Variants in GIT1 observed in about 807,000 individuals in gnomAD.
GIT1 encodes the protein GIT ArfGAP 1, also known as ARF GTPase-activating protein GIT1.
A neutral mutation model predicts 91.7 loss-of-function variants in GIT1; 14 were observed. The observed-to-expected ratio is 0.15, with a 90% CI of 0.10 to 0.24. The LOEUF (loss-of-function observed/expected upper bound fraction) is 0.24. GIT1 is among the 10% of genes least tolerant of loss of function. The probability of loss-of-function intolerance (pLI) is 1.00; values close to 1 mark genes in which losing one functional copy is unlikely to be tolerated. For missense variants in GIT1, 717 were observed against 1,024.9 expected, an observed-to-expected ratio of 0.70 and a Z score of 4.10; for synonymous variants, 414 against 418.2, an observed-to-expected ratio of 0.99 and a Z score of 0.12.
Position 29,581,557 on chromosome 17 carries a change from C to T in GIT1, c.719-177G>A. On this transcript the variant is annotated intron_variant, in intron 6 of 19. Transcript: ENST00000225394. This position sits in a 1 kb window ranked among gnomAD's most constrained non-coding sequence, Gnocchi z 4.8. ...TGGGAGGATGCAGGATGCCCACCCCCACTCCCTAGCCCCAGCGATGCTATG... is the reference window on the plus strand; with the variant it reads ...TGGGAGGATGCAGGATGCCCACCCCTACTCCCTAGCCCCAGCGATGCTATG... 2.8e-6 allele frequency: 2 copies of T among 701,902 alleles called. No homozygotes were observed. The highest frequency in any genetic ancestry group is 3.3e-5 in the South Asian group (2 of 61,046). 43.5% of individuals were successfully genotyped at this position (701,902 alleles called of 1,614,324 possible). A position where few individuals can be genotyped will look rare whatever the true frequency, so the allele number is the denominator to read the frequency against.
chr17:29,583,191 C>T (rs533735273), intron 2 of GIT1, among the ~76,000 whole-genome samples, 154 bp from the exon 3 acceptor site: 1 of 152,308 alleles, frequency 6.6e-6, no homozygotes, highest in South Asian at 2.1e-4. Flanking sequence ...TCTAGTCCAG[C>T]TGCCCAAAGA....
chr17:29,576,003 AT>A, intron 15 of GIT1, 74 bp downstream of exon 15: 1 of 1,566,422 alleles, frequency 6.4e-7, no homozygotes, highest in Non-Finnish European at 8.8e-7. Flanking sequence ...TAAGCCCCGA[AT>A]TCAGCACAGA....
Position 29,582,932 on chromosome 17 carries a change from T to A in GIT1, c.292A>T (p.Lys98Ter). 6.2e-7 allele frequency: 1 copy of A among 1,607,574 alleles called. No individual in the cohort carries two copies. Among genetic ancestry groups the A allele is most frequent in the Non-Finnish European group, 8.5e-7 (1 of 1,175,190 alleles). Residue 98 changes from lysine (K) to a stop codon, truncating the protein, a stop_gained, in exon 3 of 20, where the codon AAA becomes TAA. Coordinates refer to ENST00000225394, the MANE Select transcript of GIT1 (RefSeq NM_014030.4). LOFTEE classifies it high-confidence loss of function. ...CCCTCCAGCCCCACTCACTGGACTT[T>A]GTCTTGGGGGTTGGCTTTACGCCGG... is the stretch of plus-strand genomic sequence containing the variant. ...SGRRKANPQD[K>*]VHPIKSEFIR...
At chr17:29,586,054 T>C (rs1177793052) in intron 1 of GIT1, among the ~76,000 whole-genome samples, 1 of 152,024 alleles carries the variant, frequency 6.6e-6, no homozygotes, top group Non-Finnish European at 1.5e-5. Context: ...AAGGGCCAGA[T>C]CTCCACTAGA....
chr17:29,575,920 G>A lies in GIT1; in HGVS notation c.1666-22C>T. On this transcript the variant is annotated intron_variant, in intron 15 of 19. Transcript: ENST00000225394. This position sits in a 1 kb window ranked among gnomAD's most constrained non-coding sequence, Gnocchi z 5.5. ...GGATCTGAAACCCAGGGCAGCGCTG[G>A]ATGGAGTCAGTGTGCCCCACTGCCC... 2 of 1,589,390 alleles carry A rather than the reference G, an allele frequency of 1.3e-6. No individual in the cohort carries two copies. The highest frequency in any genetic ancestry group is 1.1e-5 in the South Asian group (1 of 89,202).
chr17:29,584,815 C>T (rs1486693797), intron 1 of GIT1, among the ~76,000 whole-genome samples: 3 of 152,144 alleles, frequency 2.0e-5, no homozygotes, highest in Non-Finnish European at 2.9e-5. Flanking sequence ...GGCCTTTCCC[C>T]TCTAAGGACT....
rs2033723202 is a variant in GIT1 at position 29,589,293 on chromosome 17, T to G, written c.52+34A>C. On this transcript the variant is annotated intron_variant, in intron 1 of 19. Coordinates refer to ENST00000225394, the MANE Select transcript of GIT1 (RefSeq NM_014030.4). This position sits in a 1 kb window ranked among gnomAD's most constrained non-coding sequence, Gnocchi z 5.2. ...GGCGCCCGCCCGGCGGCGGCCTGGC[T>G]GTGCGGTCCCGCCCCCGGCCCCGCC... The G allele has an allele frequency of 1.3e-5, 13 of 965,272 alleles. No individual in the cohort carries two copies. The South Asian group carries it at 3.2e-4, about 24-fold the overall frequency. 59.8% of individuals were successfully genotyped at this position (965,272 alleles called of 1,614,324 possible). A position where few individuals can be genotyped will look rare whatever the true frequency, so the allele number is the denominator to read the frequency against.
chr17:29,589,264 C>T lies in GIT1; in HGVS notation c.52+63G>A, dbSNP rs898289605. The stretch of plus-strand genomic sequence containing the variant: ...GGCCCCGCACAGCGCTCTTGCCAGG[C>T]CCCGGCGCCCGCCCGGCGGCGGCCT... On this transcript the variant is annotated intron_variant, in intron 1 of 19. Transcript: ENST00000225394. This position sits in a 1 kb window ranked among gnomAD's most constrained non-coding sequence, Gnocchi z 5.2. The T allele has an allele frequency of 1.5e-5, 10 of 662,630 alleles. No homozygotes were observed. In the Admixed American group the frequency reaches 1.9e-4, roughly 12 times the overall value. The allele number at this position is 662,630 out of a possible 1,614,324, so 41.0% of individuals were successfully genotyped here.
chr17:29,589,389 G>T lies in GIT1; in HGVS notation c.-11C>A, dbSNP rs781245659. 2 of 1,049,946 alleles carry T rather than the reference G, an allele frequency of 1.9e-6. No homozygotes were observed. Among genetic ancestry groups the T allele is most frequent in the South Asian group, 5.8e-5 (2 of 34,344 alleles). 65.0% of individuals were successfully genotyped at this position (1,049,946 alleles called of 1,614,324 possible). ...CCCCTTTCGGGACATCCTCAGCGGCGACGCGGCCGCAGCCCTCTGGGCCAG... is the reference window on the plus strand; with the variant it reads ...CCCCTTTCGGGACATCCTCAGCGGCTACGCGGCCGCAGCCCTCTGGGCCAG... On this transcript the variant is annotated 5_prime_UTR_variant, in exon 1 of 20. Coordinates refer to ENST00000225394, the MANE Select transcript of GIT1 (RefSeq NM_014030.4). The surrounding 1 kb of genome is among the most constrained non-coding windows in gnomAD (Gnocchi z 5.2).
At position 29,573,888 on chromosome 17, in the gene GIT1, G is replaced by A. The variant is rs2033079813; in HGVS notation, c.*814C>T. ...AAGTTCATAGAGAAGGGGCGAGAGT[G>A]GGGAGGGATCAGGGAGGCAGCTGGC... On this transcript the variant is annotated 3_prime_UTR_variant, in exon 20 of 20. Transcript: ENST00000225394. 1 of 152,726 alleles carries A rather than the reference G, an allele frequency of 6.5e-6. No individual in the cohort carries two copies. Among genetic ancestry groups the A allele is most frequent in the African/African-American group, 2.4e-5 (1 of 41,426 alleles). The allele number at this position is 152,726 out of a possible 1,614,324, so 9.5% of individuals were successfully genotyped here.
At position 29,576,078 on chromosome 17, in the gene GIT1, C is replaced by T; in HGVS notation, c.1665G>A (p.Arg555=). ...YSVHVPAGLY[R]IRKGVSASAV... is the part of the protein sequence containing the mutation. ...ATGGACACGCCTTCCCCAGGCTTAC[C>T]CGGTAAAGGCCAGCAGGGACGTGCA... The change falls in exon 15 of 20, where the codon CGG becomes CGA. Residue 555 remains arginine, a splice_region_variant and synonymous_variant. Coordinates refer to ENST00000225394, the MANE Select transcript of GIT1 (RefSeq NM_014030.4). The T allele has an allele frequency of 6.2e-7, 1 of 1,613,670 alleles. No individual in the cohort carries two copies. The highest frequency in any genetic ancestry group is 1.3e-5 in the African/African-American group (1 of 75,022).
intron 9 of GIT1, 47 bp from the exon 10 acceptor site, chr17:29,577,789 C>CA: frequency 8.4e-7 from 1 of 1,190,354 alleles, no homozygotes; most frequent in Middle Eastern, 1.9e-4. Flanking sequence ...GCCAGGCCCC[C>CA]AAGGTGGGGG....
Position 29,581,370 on chromosome 17 carries a change from A to G in GIT1, c.729T>C (p.Asn243=). The change falls in exon 7 of 20, where the codon AAT becomes AAC. Residue 243 remains asparagine, a synonymous_variant. Transcript: ENST00000225394. This position sits in a 1 kb window ranked among gnomAD's most constrained non-coding sequence, Gnocchi z 4.8. The part of the protein sequence containing the change: ...YLCGRKPDHK[N]GHYIIPQMAD... ...CCATCTGTGGGATGATGTAATGCCCATTCTTGTGATCTGAACAAAAATAAA... is the reference window on the plus strand; with the variant it reads ...CCATCTGTGGGATGATGTAATGCCCGTTCTTGTGATCTGAACAAAAATAAA... The G allele has an allele frequency of 6.2e-7, 1 of 1,612,738 alleles. No homozygotes were observed. The highest frequency in any genetic ancestry group is 8.5e-7 in the Non-Finnish European group (1 of 1,179,040).
intron 7 of GIT1, chr17:29,579,017 A>G (rs2033310494): frequency 6.2e-7 from 1 of 1,611,746 alleles, no homozygotes; most frequent in African/African-American, 1.3e-5. Flanking sequence ...AGCAGAGGGA[A>G]GAACAGGACA....
chr17:29,585,387 G>A (rs1480107512), intron 1 of GIT1, among the ~76,000 whole-genome samples: 1 of 152,198 alleles, frequency 6.6e-6, no homozygotes, highest in African/African-American at 2.4e-5. Context: ...TCTGAGGTCT[G>A]TGGTCCTACC....
chr17:29,585,602 G>A (rs1158067405), intron 1 of GIT1, among the ~76,000 whole-genome samples: 2 of 152,178 alleles, frequency 1.3e-5, no homozygotes, highest in Admixed American at 6.5e-5. Context: ...GACCTGAGAA[G>A]AATGGTAGGC....
Position 29,573,886 on chromosome 17 carries a change from G to C in GIT1, c.*816C>G, listed in dbSNP as rs2033079629. The C allele has an allele frequency of 6.5e-6, 1 of 152,774 alleles. No individual in the cohort carries two copies. Among genetic ancestry groups the C allele is most frequent in the Non-Finnish European group, 1.5e-5 (1 of 68,264 alleles). 9.5% of individuals were successfully genotyped at this position (152,774 alleles called of 1,614,324 possible). A position where few individuals can be genotyped will look rare whatever the true frequency, so the allele number is the denominator to read the frequency against. On this transcript the variant is annotated 3_prime_UTR_variant, in exon 20 of 20. Coordinates refer to ENST00000225394, the MANE Select transcript of GIT1 (RefSeq NM_014030.4). The stretch of plus-strand genomic sequence containing the variant: ...TTAAGTTCATAGAGAAGGGGCGAGA[G>C]TGGGGAGGGATCAGGGAGGCAGCTG...
intron 1 of GIT1, 147 bp from the exon 2 acceptor site, chr17:29,583,763 G>T (rs756447754): frequency 1.5e-5 from 13 of 883,256 alleles, no homozygotes; most frequent in Non-Finnish European, 2.2e-5. Flanking sequence ...CATCACTACG[G>T]CCAGGTTACC....
At chr17:29,579,309 C>T (rs1430693658) in intron 7 of GIT1, 1 of 426,482 alleles carries the variant, frequency 2.3e-6, no homozygotes, top group Non-Finnish European at 4.2e-6. Context: ...TTCTTAATCT[C>T]CCTCCTTCTA....
Sources: allele counts gnomAD v4.1 joint callset (sites outside exome capture counted in the v4.1 genomes callset), GRCh38; gene constraint gnomAD v4.1.1; non-coding constraint Gnocchi (gnomAD v3.1); transcripts MANE v1.5; gene names NCBI Gene and HGNC (gene_info 2026-07-23, HGNC 2026-07-21).